EPS8: variants seen among roughly 807,000 people sequenced by gnomAD.
EPS8 encodes EGFR pathway substrate 8, signaling adaptor.
A neutral mutation model predicts 103.8 loss-of-function variants in EPS8; 42 were observed. The observed-to-expected ratio is 0.40, with a 90% CI of 0.32 to 0.52. EPS8 has a LOEUF of 0.52. EPS8 is among the 20% of genes least tolerant of loss of function. The probability of loss-of-function intolerance (pLI) is 0.40; values close to 1 mark genes in which losing one functional copy is unlikely to be tolerated. For synonymous variants in EPS8, 344 were observed against 344.6 expected, an observed-to-expected ratio of 1.00 and a Z score of 0.02; for missense variants, 969 against 1,005.1, an observed-to-expected ratio of 0.96 and a Z score of 0.49.
intron 2 of EPS8, among the ~76,000 whole-genome samples, chr12:15,682,268 G>A (rs1305982528): frequency 6.6e-6 from 1 of 152,136 alleles, no homozygotes; most frequent in Non-Finnish European, 1.5e-5. Context: ...TCATGATTAA[G>A]AATTACATTT....
intron 1 of EPS8, among the ~76,000 whole-genome samples, chr12:15,691,771 T>C (rs150695780): frequency 6.6e-6 from 1 of 152,314 alleles, no homozygotes; most frequent in African/African-American, 2.4e-5. Flanking sequence ...ATTGAATCTA[T>C]GTAAATGCTA....
chr12:15,770,774 A>T (rs187407590), intron 1 of EPS8, among the ~76,000 whole-genome samples: 1 of 152,308 alleles, frequency 6.6e-6, no homozygotes, highest in Non-Finnish European at 1.5e-5. Flanking sequence ...TTTTCAGAAT[A>T]TTTCAATTTA....
In EPS8 at chr12:15,658,497, C is replaced by G. The variant is rs142586356; in HGVS notation, c.1026G>C (p.Leu342=). Residue 342 remains leucine (L), a splice_region_variant and synonymous_variant, in exon 11 of 21, where the codon CTG becomes CTC. Coordinates refer to ENST00000281172, the MANE Select transcript of EPS8 (RefSeq NM_004447.6). The part of the protein sequence containing the change: ...FQKFKHGFNL[L]AKLKSHIQNP... ...TTCTATATACATAAATTTCACTTAC[C>G]AGAAGGTTAAATCCGTGTTTAAACT... The G allele has an allele frequency of 6.3e-7, 1 of 1,590,282 alleles. No homozygotes were observed. Among genetic ancestry groups the G allele is most frequent in the Non-Finnish European group, 8.6e-7 (1 of 1,159,022 alleles).
intron 15 of EPS8, among the ~76,000 whole-genome samples, chr12:15,645,291 TA>T (rs1172884204): frequency 2.0e-5 from 3 of 152,152 alleles, no homozygotes; most frequent in Non-Finnish European, 4.4e-5. Flanking sequence ...AACTGATACT[TA>T]TTCCTTTTCC....
rs1946641108 is a variant in EPS8, at chr12:15,725,349, G to A, written c.-21-42377C>T. The stretch of plus-strand genomic sequence containing the variant: ...TAGCTGGTTGCAGTGGCTCACACCT[G>A]TAATCCCAGCTACTTGGGAGGCCGA... On this transcript the variant is annotated intron_variant, in intron 1 of 20. Coordinates refer to ENST00000281172, the MANE Select transcript of EPS8 (RefSeq NM_004447.6). The surrounding 1 kb of genome is among the most constrained non-coding windows in gnomAD (Gnocchi z 4.5). 6.6e-6 allele frequency among the ~76,000 whole-genome samples: 1 copy of A among 151,778 alleles called. No individual in the cohort carries two copies. The highest frequency in any genetic ancestry group is 2.4e-5 in the African/African-American group (1 of 41,290).
At chr12:15,647,999 C>A (rs1945349538) in intron 14 of EPS8, among the ~76,000 whole-genome samples, 1 of 152,212 alleles carries the variant, frequency 6.6e-6, no homozygotes, top group South Asian at 2.1e-4. Context: ...CAACCTAGAT[C>A]CCTTGCATGT....
chr12:15,651,644 G>C (rs1412129096), intron 13 of EPS8, among the ~76,000 whole-genome samples: 1 of 152,146 alleles, frequency 6.6e-6, no homozygotes, highest in African/African-American at 2.4e-5. Context: ...ATTTCTGTAA[G>C]ATCCTAATCA....
intron 15 of EPS8, among the ~76,000 whole-genome samples, chr12:15,642,739 C>G (rs1303292704): frequency 6.6e-6 from 1 of 152,166 alleles, no homozygotes; most frequent in Admixed American, 6.5e-5. Flanking sequence ...GTTAGGTCAT[C>G]CTACCCCTGT....
intron 1 of EPS8, among the ~76,000 whole-genome samples, chr12:15,710,536 T>C (rs1946448185): frequency 6.6e-6 from 1 of 152,198 alleles, no homozygotes; most frequent in Admixed American, 6.5e-5. Flanking sequence ...GAAAATATAT[T>C]GAGCATTAAA....
chr12:15,752,547 C>T lies in EPS8; in HGVS notation c.-22+36614G>A, dbSNP rs1946944283. On this transcript the variant is annotated intron_variant, in intron 1 of 20. Coordinates refer to ENST00000281172, the MANE Select transcript of EPS8 (RefSeq NM_004447.6). This position sits in a 1 kb window ranked among gnomAD's most constrained non-coding sequence, Gnocchi z 4.4. ...TTTAGCAGGAGTGAAATATTCCCAGCAATGGAATTAAAAGAAATTCAGGGG... is the reference window on the plus strand; with the variant it reads ...TTTAGCAGGAGTGAAATATTCCCAGTAATGGAATTAAAAGAAATTCAGGGG... Among the ~76,000 whole-genome samples the T allele has an allele frequency of 6.6e-6, 1 of 151,986 alleles. No homozygotes were observed. The highest frequency in any genetic ancestry group is 1.5e-5 in the Non-Finnish European group (1 of 68,006).
rs145794818 is a variant in EPS8, at chr12:15,639,993, C to T, written c.1821+710G>A. ...GTTTACAGACCTAACTCTAGAGAGC[C>T]TGGCACAGGTCTAAAATTCCGGAGT... On this transcript the variant is annotated intron_variant, in intron 17 of 20. Coordinates refer to ENST00000281172, the MANE Select transcript of EPS8 (RefSeq NM_004447.6). Among the ~76,000 whole-genome samples the T allele has an allele frequency of 3.3e-3, 504 of 152,262 alleles. 2 individuals are homozygous for T. Among genetic ancestry groups the T allele is most frequent in the African/African-American group, 0.012 (486 of 41,552 alleles).
intron 17 of EPS8, among the ~76,000 whole-genome samples, chr12:15,637,571 G>A (rs564716026): frequency 2.6e-5 from 4 of 152,204 alleles, no homozygotes; most frequent in South Asian, 2.1e-4. Flanking sequence ...CACTGGCCAC[G>A]GGCATATCTT....
intron 3 of EPS8, among the ~76,000 whole-genome samples, chr12:15,673,247 C>T (rs1010618659): frequency 5.9e-5 from 9 of 151,952 alleles, no homozygotes; most frequent in African/African-American, 2.2e-4. Context: ...CTATGTTGTA[C>T]AATAAATAAG....
At chr12:15,686,123 AC>A (rs1020465881) in intron 1 of EPS8, among the ~76,000 whole-genome samples, 2 of 151,808 alleles carry the variant, frequency 1.3e-5, no homozygotes, top group African/African-American at 4.8e-5. Flanking sequence ...AGCAAAACCG[AC>A]CCCTCCACTT....
At chr12:15,663,944 A>AAAAAAATAAT (rs1555112203) in intron 8 of EPS8, among the ~76,000 whole-genome samples, 21 of 85,974 alleles carry the variant, frequency 2.4e-4, no homozygotes, top group African/African-American at 9.5e-4. Flanking sequence ...AAAAAAAAAA[A>AAAAAAATAAT]AATAATATAT....
rs540854724 is a variant in EPS8 at position 15,704,798 on chromosome 12, C to A, written c.-21-21826G>T. Among the ~76,000 whole-genome samples, 1 of 152,210 alleles carries A rather than the reference C, an allele frequency of 6.6e-6. No individual in the cohort carries two copies. Among genetic ancestry groups the A allele is most frequent in the East Asian group, 1.9e-4 (1 of 5,176 alleles). ...AAATGAACTACTGAATGTCTGTGAGCCTATCAGGTAAAGCCACCTGGTCTG... is the reference window on the plus strand; with the variant it reads ...AAATGAACTACTGAATGTCTGTGAGACTATCAGGTAAAGCCACCTGGTCTG... On this transcript the variant is annotated intron_variant, in intron 1 of 20. Coordinates refer to ENST00000281172, the MANE Select transcript of EPS8 (RefSeq NM_004447.6). The surrounding 1 kb of genome is among the most constrained non-coding windows in gnomAD (Gnocchi z 4.6).
chr12:15,755,594 A>C (rs762775491), intron 1 of EPS8, among the ~76,000 whole-genome samples: 1 of 152,222 alleles, frequency 6.6e-6, no homozygotes, highest in Non-Finnish European at 1.5e-5. Context: ...GTATCCAAAA[A>C]AAGAAAGTAT....
rs1333137189 is a variant in EPS8, at chr12:15,717,457, C to T, written c.-21-34485G>A. ...CAAAAATTAGCTGGGCGCGGTGGCA[C>T]GTGCCTGTAATCCCAGCTACTTGGG... On this transcript the variant is annotated intron_variant, in intron 1 of 20. Transcript: ENST00000281172. This position sits in a 1 kb window ranked among gnomAD's most constrained non-coding sequence, Gnocchi z 4.3. Among the ~76,000 whole-genome samples the T allele has an allele frequency of 6.6e-6, 1 of 152,038 alleles. No individual in the cohort carries two copies. Among genetic ancestry groups the T allele is most frequent in the African/African-American group, 2.4e-5 (1 of 41,404 alleles).
intron 18 of EPS8, among the ~76,000 whole-genome samples, chr12:15,626,529 T>C (rs1209207905): frequency 6.7e-6 from 1 of 149,102 alleles, no homozygotes; most frequent in Non-Finnish European, 1.5e-5. Flanking sequence ...CTCGGGAGGC[T>C]GAGGCAGGAG....
Sources: allele counts gnomAD v4.1 joint callset (sites outside exome capture counted in the v4.1 genomes callset), GRCh38; gene constraint gnomAD v4.1.1; non-coding constraint Gnocchi (gnomAD v3.1); transcripts MANE v1.5; gene names NCBI Gene and HGNC (gene_info 2026-07-23, HGNC 2026-07-21).